LUZP2: variants seen among roughly 807,000 people sequenced by gnomAD.
LUZP2 encodes the protein leucine zipper protein 2.
In LUZP2, 52 loss-of-function variants were observed where a neutral mutation model predicts 51.6. That is an observed-to-expected ratio of 1.01 (90% CI 0.81 to 1.27). The LOEUF (loss-of-function observed/expected upper bound fraction) is 1.27, where lower values mean the gene tolerates loss of function less well. Ranked by LOEUF, LUZP2 falls within the 50% of genes most tolerant of loss-of-function variation. The pLI, the probability that LUZP2 is intolerant of heterozygous loss-of-function variation, is 0.00. For synonymous variants in LUZP2, 154 were observed against 137.3 expected, an observed-to-expected ratio of 1.12 and a Z score of -0.85; for missense variants, 436 against 395.4, an observed-to-expected ratio of 1.10 and a Z score of -0.87.
chr11:24,565,351 C>G lies in LUZP2; in HGVS notation c.62+68046C>G, dbSNP rs531488913. Among the ~76,000 whole-genome samples the G allele has an allele frequency of 2.6e-5, 4 of 152,216 alleles. No individual in the cohort carries two copies. In the South Asian group the frequency reaches 8.3e-4, roughly 32 times the overall value. On this transcript the variant is annotated intron_variant, in intron 1 of 11. Transcript: ENST00000336930. ...GACCCAAAAGAGAACCAAAACACAC[C>G]TTGCAGGCAGTGAGTGCAAATGAGA...
intron 5 of LUZP2, among the ~76,000 whole-genome samples, chr11:24,860,534 G>A (rs1028937961): frequency 2.6e-5 from 4 of 152,068 alleles, no homozygotes; most frequent in Non-Finnish European, 5.9e-5. Flanking sequence ...ATACAGGAGT[G>A]ATCCTACTGG....
At chr11:24,911,845 G>A (rs911088858) in intron 6 of LUZP2, among the ~76,000 whole-genome samples, 1 of 152,196 alleles carries the variant, frequency 6.6e-6, no homozygotes, top group Non-Finnish European at 1.5e-5. Context: ...TCAAGGTACT[G>A]AGGGGTCAAT....
intron 5 of LUZP2, among the ~76,000 whole-genome samples, chr11:24,764,489 C>CAAAAA (rs1565124723): frequency 2.5e-4 from 14 of 56,410 alleles, no homozygotes; most frequent in East Asian, 4.5e-4. Flanking sequence ...AATCTCATCT[C>CAAAAA]TAAAAAAAAA....
intron 1 of LUZP2, among the ~76,000 whole-genome samples, chr11:24,585,388 T>C (rs1036006416): frequency 5.9e-5 from 9 of 152,196 alleles, no homozygotes; most frequent in African/African-American, 2.2e-4. Flanking sequence ...TGTAAATCAG[T>C]AGCCAGTGTC....
intron 9 of LUZP2, among the ~76,000 whole-genome samples, chr11:25,026,968 A>C (rs114710548): frequency 0.031 from 4,668 of 151,710 alleles, 215 homozygotes; most frequent in African/African-American, 0.1. Context: ...TCACTGTCCC[A>C]GATTTTAATT....
chr11:24,962,216 T>A (rs1247438663), intron 7 of LUZP2, among the ~76,000 whole-genome samples: 1 of 152,136 alleles, frequency 6.6e-6, no homozygotes, highest in Admixed American at 6.5e-5. Context: ...GAATTTGACA[T>A]TTATGTGTCT....
intron 7 of LUZP2, among the ~76,000 whole-genome samples, chr11:24,975,451 G>A (rs1855859901): frequency 6.6e-6 from 1 of 152,068 alleles, no homozygotes; most frequent in South Asian, 2.1e-4. Flanking sequence ...TGTTGTTGTT[G>A]TGGTTGTTGT....
intron 5 of LUZP2, among the ~76,000 whole-genome samples, chr11:24,778,473 A>T (rs1365532149): frequency 6.6e-6 from 1 of 152,100 alleles, no homozygotes; most frequent in Non-Finnish European, 1.5e-5. Flanking sequence ...ATAACCTTAA[A>T]AATCATAGAA....
intron 1 of LUZP2, among the ~76,000 whole-genome samples, chr11:24,502,790 T>C (rs1213797481): frequency 2.0e-5 from 3 of 152,204 alleles, no homozygotes; most frequent in Non-Finnish European, 4.4e-5. Flanking sequence ...AAAGTGAATA[T>C]TTGTCTGTTT....
At chr11:24,708,290 CA>C (rs1349047308) in intron 1 of LUZP2, among the ~76,000 whole-genome samples, 77 of 152,264 alleles carry the variant, frequency 5.1e-4, no homozygotes, top group Admixed American at 5.0e-3. Flanking sequence ...ACCTCATAGT[CA>C]CACTCAATGA....
chr11:24,503,983 T>G (rs1850077606), intron 1 of LUZP2, among the ~76,000 whole-genome samples: 1 of 152,172 alleles, frequency 6.6e-6, no homozygotes, highest in Admixed American at 6.5e-5. Flanking sequence ...AGTAGATTTT[T>G]GAAGAATGAG....
chr11:24,883,357 T>A (rs1411603357), intron 5 of LUZP2, among the ~76,000 whole-genome samples: 1 of 151,900 alleles, frequency 6.6e-6, no homozygotes, highest in African/African-American at 2.4e-5. Context: ...AATGCCCCAA[T>A]CAACTCAAAC....
At chr11:24,966,884 T>C (rs1000869746) in intron 7 of LUZP2, among the ~76,000 whole-genome samples, 1 of 147,732 alleles carries the variant, frequency 6.8e-6, no homozygotes, top group African/African-American at 2.5e-5. Flanking sequence ...ATGTGTAAAG[T>C]ATGTCTAATA....
chr11:24,767,885 CTCA>C (rs1331116105), intron 5 of LUZP2, among the ~76,000 whole-genome samples: 1 of 152,144 alleles, frequency 6.6e-6, no homozygotes, highest in Non-Finnish European at 1.5e-5. Context: ...TGGCAACTGC[CTCA>C]TCATGTAGTC....
At chr11:24,649,027 T>C (rs980608608) in intron 1 of LUZP2, among the ~76,000 whole-genome samples, 10 of 152,030 alleles carry the variant, frequency 6.6e-5, no homozygotes, top group Non-Finnish European at 1.0e-4. Flanking sequence ...CTGTAACTAA[T>C]CTTCCCTATG....
chr11:24,865,243 C>G (rs1851855844), intron 5 of LUZP2, among the ~76,000 whole-genome samples: 1 of 152,204 alleles, frequency 6.6e-6, no homozygotes, highest in Non-Finnish European at 1.5e-5. Context: ...ACTGATGTTT[C>G]ATGCTTAGCA....
chr11:24,754,102 A>G (rs1859688094), intron 4 of LUZP2, among the ~76,000 whole-genome samples: 1 of 152,252 alleles, frequency 6.6e-6, no homozygotes, highest in South Asian at 2.1e-4. Context: ...GATGAATCCC[A>G]TGACTCTCTC....
At chr11:24,889,569 C>T (rs1852781779) in intron 5 of LUZP2, among the ~76,000 whole-genome samples, 1 of 152,126 alleles carries the variant, frequency 6.6e-6, no homozygotes. Flanking sequence ...GATCAGAATT[C>T]CCTTTTCAGT....
At chr11:24,924,151 C>T (rs922195541) in intron 7 of LUZP2, among the ~76,000 whole-genome samples, 11 of 151,412 alleles carry the variant, frequency 7.3e-5, no homozygotes, top group African/African-American at 2.4e-4. Context: ...GATCTCGGCT[C>T]ACTGCAACCT....
Sources: allele counts gnomAD v4.1 joint callset (sites outside exome capture counted in the v4.1 genomes callset), GRCh38; gene constraint gnomAD v4.1.1; transcripts MANE v1.5; gene names NCBI Gene and HGNC (gene_info 2026-07-23, HGNC 2026-07-21).